Variants in DNM3 observed in about 807,000 individuals in gnomAD.
DNM3 encodes the protein dynamin-3.
In DNM3, 47 loss-of-function variants were observed where a neutral mutation model predicts 101.6. The ratio of observed to expected loss-of-function variants is 0.46; its 90% CI spans 0.37 to 0.59. The LOEUF is 0.59. Among genes scored for constraint, DNM3 ranks in the 20% least tolerant of loss-of-function variants. DNM3 has a pLI of 0.00. For missense variants in DNM3, 849 were observed against 1,085.7 expected (o/e 0.78, Z 3.06); for synonymous variants, 385 against 387.9 (o/e 0.99, Z 0.09).
chr1:171,855,092 C>T (rs1189644656), intron 1 of DNM3, among the ~76,000 whole-genome samples: 21 of 152,102 alleles, frequency 1.4e-4, no homozygotes. Context: ...TATGAATTCT[C>T]ATCATTTAGC....
intron 7 of DNM3, 36 bp downstream of exon 7, chr1:172,038,497 A>G (rs1264751690): frequency 1.9e-6 from 3 of 1,599,372 alleles, no homozygotes; most frequent in South Asian, 2.3e-5. Flanking sequence ...TCAGCATTTT[A>G]ATCTAATTTC....
At chr1:171,883,533 G>A (rs1238387684) in intron 1 of DNM3, among the ~76,000 whole-genome samples, 1 of 150,974 alleles carries the variant, frequency 6.6e-6, no homozygotes, top group Non-Finnish European at 1.5e-5. Context: ...GTGTAATAGC[G>A]CGATCTCGGC....
intron 14 of DNM3, among the ~76,000 whole-genome samples, chr1:172,237,114 A>G (rs1329457089): frequency 2.0e-5 from 3 of 152,208 alleles, no homozygotes; most frequent in Admixed American, 6.5e-5. Flanking sequence ...CATAGGTTCA[A>G]TTACATATGT....
chr1:171,842,875 G>A (rs1265474807), intron 1 of DNM3, among the ~76,000 whole-genome samples: 2 of 152,188 alleles, frequency 1.3e-5, no homozygotes, highest in Non-Finnish European at 2.9e-5. Flanking sequence ...GCTAAGAAAA[G>A]CCCATTTAAA....
rs2071099809 is a variant in DNM3, at chr1:172,409,688, C to G, written c.*1847C>G. On this transcript the variant is annotated 3_prime_UTR_variant, in exon 21 of 21. Transcript: ENST00000627582. Reference sequence around the variant, plus strand: ...CTCAGCTAAATGGAAAACTGTTAAGCAAACATCCATAGTAAAACAAATAAT... The same window carrying G: ...CTCAGCTAAATGGAAAACTGTTAAGGAAACATCCATAGTAAAACAAATAAT... 1 of 985,476 alleles carries G rather than the reference C, an allele frequency of 1.0e-6. No individual in the cohort carries two copies. Among genetic ancestry groups the G allele is most frequent in the East Asian group, 1.1e-4 (1 of 8,822 alleles). 61.0% of individuals were successfully genotyped at this position (985,476 alleles called of 1,614,324 possible).
chr1:171,990,283 G>A (rs189397973), intron 4 of DNM3, among the ~76,000 whole-genome samples: 75 of 152,146 alleles, frequency 4.9e-4, no homozygotes, highest in Admixed American at 2.3e-3. Context: ...CCGCTTGTTC[G>A]TGCATGAGAG....
chr1:172,280,098 A>G (rs902951434), intron 15 of DNM3, among the ~76,000 whole-genome samples: 2 of 152,002 alleles, frequency 1.3e-5, no homozygotes, highest in East Asian at 3.9e-4. Flanking sequence ...CTTCTTGAAT[A>G]TGTTGAGCTT....
At chr1:172,152,315 A>G (rs1397096157) in intron 14 of DNM3, among the ~76,000 whole-genome samples, 2 of 151,246 alleles carry the variant, frequency 1.3e-5, no homozygotes, top group Non-Finnish European at 2.9e-5. Context: ...TAGTACTACA[A>G]TTCAATTGGT....
At chr1:172,315,488 G>GA (rs1279961930) in intron 16 of DNM3, among the ~76,000 whole-genome samples, 1 of 152,116 alleles carries the variant, frequency 6.6e-6, no homozygotes, top group East Asian at 1.9e-4. Context: ...TGAAAACTTT[G>GA]AAAAAAATTT....
At chr1:172,356,403 T>C (rs969210673) in intron 17 of DNM3, among the ~76,000 whole-genome samples, 2 of 152,098 alleles carry the variant, frequency 1.3e-5, no homozygotes, top group African/African-American at 4.8e-5. Flanking sequence ...ATTTTGTTCA[T>C]TTTTGACTTA....
In DNM3 at chr1:172,408,638, C is replaced by G; in HGVS notation, c.*797C>G. 1.0e-6 allele frequency: 1 copy of G among 984,928 alleles called. No homozygotes were observed. Among genetic ancestry groups the G allele is most frequent in the Non-Finnish European group, 1.2e-6 (1 of 829,504 alleles). The allele number at this position is 984,928 out of a possible 1,614,324, so 61.0% of individuals were successfully genotyped here. A position where few individuals can be genotyped will look rare whatever the true frequency, so the allele number is the denominator to read the frequency against. On this transcript the variant is annotated 3_prime_UTR_variant, in exon 21 of 21. Coordinates refer to ENST00000627582, the MANE Select transcript of DNM3 (RefSeq NM_015569.5). ...TAATTTCTTTCTTTACTTATATTCA[C>G]CTCATGGTAGGTTATATTGAAGGCT...
At chr1:172,027,003 T>C (rs185191191) in intron 4 of DNM3, among the ~76,000 whole-genome samples, 165 of 152,184 alleles carry the variant, frequency 1.1e-3, no homozygotes, top group Admixed American at 2.7e-3. Context: ...AGCTTCATAA[T>C]TGAAGGAGAA....
intron 20 of DNM3, among the ~76,000 whole-genome samples, chr1:172,395,378 C>T (rs1187022540): frequency 6.6e-6 from 1 of 152,008 alleles, no homozygotes; most frequent in East Asian, 1.9e-4. Flanking sequence ...ACCATGTTGC[C>T]CAGGTTGGTC....
intron 20 of DNM3, among the ~76,000 whole-genome samples, chr1:172,401,706 C>T (rs530024915): frequency 1.3e-5 from 2 of 152,300 alleles, no homozygotes; most frequent in East Asian, 3.9e-4. Flanking sequence ...GTAAACTATT[C>T]TTGGATAGTA....
At chr1:172,055,287 A>G (rs919720053) in intron 10 of DNM3, among the ~76,000 whole-genome samples, 1 of 152,062 alleles carries the variant, frequency 6.6e-6, no homozygotes, top group Non-Finnish European at 1.5e-5. Flanking sequence ...TTAATGTGGG[A>G]AATGATCTGC....
chr1:172,135,601 T>C (rs1390127127), intron 14 of DNM3, among the ~76,000 whole-genome samples: 1 of 152,164 alleles, frequency 6.6e-6, no homozygotes. Flanking sequence ...TTTCCCAATG[T>C]TGTTTTCATA....
intron 14 of DNM3, among the ~76,000 whole-genome samples, chr1:172,149,003 ATT>A (rs1440717945): frequency 6.6e-6 from 1 of 152,162 alleles, no homozygotes; most frequent in African/African-American, 2.4e-5. Flanking sequence ...GGAGTAAGAG[ATT>A]TTCCTTCAAC....
intron 2 of DNM3, among the ~76,000 whole-genome samples, chr1:171,926,572 T>C (rs908245890): frequency 2.0e-5 from 3 of 152,220 alleles, no homozygotes; most frequent in Non-Finnish European, 4.4e-5. Flanking sequence ...TTTCGACTGA[T>C]ATTTATGTCT....
At chr1:171,867,392 C>T (rs2034862692) in intron 1 of DNM3, among the ~76,000 whole-genome samples, 1 of 152,204 alleles carries the variant, frequency 6.6e-6, no homozygotes. Context: ...TGCTTCAAAC[C>T]TCACATATTT....
Sources: gnomAD v4.1 joint callset for allele counts (sites outside exome capture counted in the v4.1 genomes callset) on GRCh38, gnomAD v4.1.1 for gene constraint, MANE v1.5 for transcripts, NCBI Gene and HGNC (gene_info 2026-07-23, HGNC 2026-07-21) for gene names.